The following CCDC70 variants were observed in gnomAD, a reference collection of about 807,000 sequenced individuals.
CCDC70 encodes the protein coiled-coil domain-containing protein 70.
CCDC70 carries 4 observed loss-of-function variants against 9.1 expected under a neutral mutation model. The observed-to-expected ratio is 0.44, with a 90% confidence interval of 0.22 to 1.00. CCDC70 has a LOEUF of 1.00. Among genes scored for constraint, CCDC70 ranks in the 50% least tolerant of loss-of-function variants. The pLI is 0.25. For missense variants in CCDC70, 308 were observed against 271.3 expected (o/e 1.14, Z -0.95); for synonymous variants, 119 against 94.0 (o/e 1.27, Z -1.54).
At chr13:51,863,453 T>C (rs1956395822) in intron 1 of CCDC70, among the ~76,000 whole-genome samples, 2 of 152,246 alleles carry the variant, frequency 1.3e-5, no homozygotes, top group Admixed American at 1.3e-4. Context: ...TGGCCTGACC[T>C]GGCTGTCATG....
intron 1 of CCDC70, among the ~76,000 whole-genome samples, chr13:51,864,131 T>C (rs1274638714): frequency 6.6e-6 from 1 of 152,044 alleles, no homozygotes; most frequent in Non-Finnish European, 1.5e-5. Flanking sequence ...TTCTTTTCTT[T>C]TTTTCTTTTC....
chr13:51,865,116 C>T (rs114573311), intron 1 of CCDC70, among the ~76,000 whole-genome samples: 2,000 of 152,360 alleles, frequency 0.013, 47 homozygotes, highest in African/African-American at 0.045. Context: ...TGAGTGTCTA[C>T]GTTTTTAGCA....
Position 51,865,868 on chromosome 13 carries a change from T to C in CCDC70, c.457T>C (p.Trp153Arg). The change falls in exon 2 of 2, where the codon TGG becomes CGG. Residue 153 changes from tryptophan to arginine, a missense_variant. Coordinates refer to ENST00000242819, the MANE Select transcript of CCDC70 (RefSeq NM_031290.4). ...KALWEEEKALWVEERALLEGE... is the reference protein window; with the variant it reads ...KALWEEEKALRVEERALLEGE... ...CCTGTGGGAGGAAGAAAAGGCCCTG[T>C]GGGTAGAGGAAAGAGCCCTCCTTGA... The C allele has an allele frequency of 6.2e-7, 1 of 1,613,466 alleles. No homozygotes were observed. Among genetic ancestry groups the C allele is most frequent in the Non-Finnish European group, 8.5e-7 (1 of 1,179,838 alleles).
At position 51,865,391 on chromosome 13, in the gene CCDC70, C is replaced by T; in HGVS notation, c.-21C>T. ...CCTGTCATCCCTCATGGCCACCCCG[C>T]CATTCCGGCTGATAAGGAAGATGTT... On this transcript the variant is annotated 5_prime_UTR_variant, in exon 2 of 2. Coordinates refer to ENST00000242819, the MANE Select transcript of CCDC70 (RefSeq NM_031290.4). 2 of 1,595,904 alleles carry T rather than the reference C, an allele frequency of 1.3e-6. No homozygotes were observed. Among genetic ancestry groups the T allele is most frequent in the Non-Finnish European group, 1.7e-6 (2 of 1,170,578 alleles).
Position 51,866,142 on chromosome 13 carries a change from G to A in CCDC70, c.*62G>A. On this transcript the variant is annotated 3_prime_UTR_variant, in exon 2 of 2. Transcript: ENST00000242819. ...CCCTGGGTTGGGATTCAAGTCCAGG[G>A]TGAGCCCATGTGCTGGAGAAAATAC... 7.5e-7 allele frequency: 1 copy of A among 1,326,178 alleles called. No individual in the cohort carries two copies. Among genetic ancestry groups the A allele is most frequent in the Non-Finnish European group, 1.0e-6 (1 of 974,966 alleles). 82.2% of individuals were successfully genotyped at this position (1,326,178 alleles called of 1,614,324 possible). A position where few individuals can be genotyped will look rare whatever the true frequency, so the allele number is the denominator to read the frequency against.
rs374783182 is a variant in CCDC70, at chr13:51,865,366, C to T, written c.-46C>T. 81 of 1,567,384 alleles carry T rather than the reference C, an allele frequency of 5.2e-5. No homozygotes were observed. Among genetic ancestry groups the T allele is most frequent in the Middle Eastern group, 3.6e-4 (2 of 5,616 alleles). On this transcript the variant is annotated 5_prime_UTR_variant, in exon 2 of 2. Transcript: ENST00000242819. ...AGCCGACCTGGACCTGGCCAAGGGT[C>T]CTGTCATCCCTCATGGCCACCCCGC...
chr13:51,862,994 AACAG>A (rs1956392751), intron 1 of CCDC70, among the ~76,000 whole-genome samples: 1 of 152,240 alleles, frequency 6.6e-6, no homozygotes. Context: ...ATAGTGGAGT[AACAG>A]ACAGACAGTA....
intron 1 of CCDC70, among the ~76,000 whole-genome samples, chr13:51,864,840 C>A (rs1956407758): frequency 6.6e-6 from 1 of 152,100 alleles, no homozygotes; most frequent in East Asian, 1.9e-4. Flanking sequence ...TGTTTTAAAC[C>A]ACTTTTCCCA....
At chr13:51,863,257 G>A (rs1386837073) in intron 1 of CCDC70, among the ~76,000 whole-genome samples, 1 of 152,234 alleles carries the variant, frequency 6.6e-6, no homozygotes, top group African/African-American at 2.4e-5. Context: ...GCAAGCTGGA[G>A]TTGGGCTGCA....
chr13:51,863,665 GCACACAGACACACACACACA>G (rs1956397354), intron 1 of CCDC70, among the ~76,000 whole-genome samples: 1 of 103,766 alleles, frequency 9.6e-6, no homozygotes, highest in Non-Finnish European at 1.9e-5. Context: ...ATATGCACGC[GCACACAGACACACACACACA>G]CACACACACA....
In CCDC70 at chr13:51,862,148, A is replaced by C. The variant is rs1203539852; in HGVS notation, c.-162A>C. Reference sequence around the variant, plus strand: ...TGTTGGGGCAAGCCTGCAAGCACGCATCACTGGGGATCTGACATGACAATG... The same window carrying C: ...TGTTGGGGCAAGCCTGCAAGCACGCCTCACTGGGGATCTGACATGACAATG... On this transcript the variant is annotated 5_prime_UTR_variant, in exon 1 of 2. Transcript: ENST00000242819. The C allele has an allele frequency of 6.6e-6, 1 of 152,284 alleles. No individual in the cohort carries two copies. The highest frequency in any genetic ancestry group is 1.5e-5 in the Non-Finnish European group (1 of 68,078). 9.4% of individuals were successfully genotyped at this position (152,284 alleles called of 1,614,324 possible). A position where few individuals can be genotyped will look rare whatever the true frequency, so the allele number is the denominator to read the frequency against.
chr13:51,862,904 G>T (rs17076039), intron 1 of CCDC70, among the ~76,000 whole-genome samples: 2,252 of 152,300 alleles, frequency 0.015, 57 homozygotes, highest in African/African-American at 0.052. Flanking sequence ...TATAGGCGGC[G>T]TTATATTATG....
At chr13:51,864,118 TTTTTC>T (rs532881547) in intron 1 of CCDC70, among the ~76,000 whole-genome samples, 7 of 149,742 alleles carry the variant, frequency 4.7e-5, no homozygotes, top group Admixed American at 1.3e-4. Flanking sequence ...CCTCCCTCTC[TTTTTC>T]TTTTCTTTTT....
intron 1 of CCDC70, among the ~76,000 whole-genome samples, chr13:51,862,723 G>T (rs1308024545): frequency 2.0e-5 from 3 of 152,160 alleles, no homozygotes; most frequent in Non-Finnish European, 4.4e-5. Flanking sequence ...ACTGAAGTGA[G>T]GTTGGGCAAG....
At chr13:51,862,903 C>T (rs375967780) in intron 1 of CCDC70, among the ~76,000 whole-genome samples, 3 of 152,140 alleles carry the variant, frequency 2.0e-5, no homozygotes, top group Non-Finnish European at 2.9e-5. Flanking sequence ...ATATAGGCGG[C>T]GTTATATTAT....
intron 1 of CCDC70, among the ~76,000 whole-genome samples, chr13:51,864,702 G>T (rs2138108173): frequency 6.6e-6 from 1 of 152,230 alleles, no homozygotes; most frequent in South Asian, 2.1e-4. Context: ...GTTTCCTCAG[G>T]GTTTATACCT....
At chr13:51,863,262 G>C (rs571513755) in intron 1 of CCDC70, among the ~76,000 whole-genome samples, 2 of 152,330 alleles carry the variant, frequency 1.3e-5, no homozygotes, top group Admixed American at 6.5e-5. Context: ...CTGGAGTTGG[G>C]CTGCACAAGG....
chr13:51,864,128 C>CT (rs1273805947), intron 1 of CCDC70, among the ~76,000 whole-genome samples: 2 of 145,008 alleles, frequency 1.4e-5, no homozygotes, highest in African/African-American at 5.1e-5. Flanking sequence ...TTTTTCTTTT[C>CT]TTTTTTTCTT....
chr13:51,863,843 G>A (rs148335927), intron 1 of CCDC70, among the ~76,000 whole-genome samples: 10 of 152,250 alleles, frequency 6.6e-5, no homozygotes, highest in African/African-American at 1.7e-4. Flanking sequence ...AGTGAGGGCC[G>A]GACCCTGGCA....
Sources: gnomAD v4.1 joint callset for allele counts (sites outside exome capture counted in the v4.1 genomes callset) on GRCh38, gnomAD v4.1.1 for gene constraint, MANE v1.5 for transcripts, NCBI Gene and HGNC (gene_info 2026-07-23, HGNC 2026-07-21) for gene names.